Variants in PTPN13 observed in about 807,000 individuals in gnomAD.
PTPN13 encodes tyrosine-protein phosphatase non-receptor type 13.
PTPN13 carries 191 observed loss-of-function variants against 284.0 expected under a neutral mutation model. The ratio of observed to expected loss-of-function variants is 0.67; its 90% CI spans 0.60 to 0.76. PTPN13 has a LOEUF of 0.76. Ranked by LOEUF, PTPN13 falls within the 30% of genes least tolerant of loss-of-function variation. The pLI is 0.00. For missense variants in PTPN13, 2,797 were observed against 2,939.9 expected, an observed-to-expected ratio of 0.95 and a Z score of 1.12; for synonymous variants, 986 against 1,022.3, an observed-to-expected ratio of 0.96 and a Z score of 0.68.
intron 45 of PTPN13, among the ~76,000 whole-genome samples, chr4:86,808,232 T>C (rs945986925): frequency 1.3e-5 from 2 of 152,236 alleles, no homozygotes; most frequent in East Asian, 1.9e-4. Flanking sequence ...GTCAGACCTC[T>C]AAGTAGACTC....
chr4:86,812,309 C>CAAA (rs555017151), intron 47 of PTPN13, among the ~76,000 whole-genome samples: 26 of 58,634 alleles, frequency 4.4e-4, no homozygotes, highest in East Asian at 2.1e-3. Context: ...GACTCCGTCT[C>CAAA]AAAAAAAAAA....
chr4:86,765,247 ATTAG>A, intron 25 of PTPN13, 144 bp from the exon 26 acceptor site: 1 of 586,624 alleles, frequency 1.7e-6, no homozygotes. Flanking sequence ...AATATCCCTC[ATTAG>A]TATACTAATG....
intron 6 of PTPN13, among the ~76,000 whole-genome samples, chr4:86,696,949 G>C (rs1042288129): frequency 6.6e-6 from 1 of 151,902 alleles, no homozygotes; most frequent in African/African-American, 2.4e-5. Flanking sequence ...TTGCACAAGT[G>C]CTCTTTTCAT....
At chr4:86,644,926 C>CT (rs1464475760) in intron 2 of PTPN13, among the ~76,000 whole-genome samples, 1 of 152,036 alleles carries the variant, frequency 6.6e-6, no homozygotes, top group Non-Finnish European at 1.5e-5. Context: ...CTCAACTCAA[C>CT]GCCGGGCTTG....
At chr4:86,805,128 C>T (rs1744512855) in intron 43 of PTPN13, 151 bp from the exon 44 acceptor site, 1 of 470,004 alleles carries the variant, frequency 2.1e-6, no homozygotes, top group Non-Finnish European at 3.8e-6. Flanking sequence ...TAACAAATCA[C>T]TACTGACTTT....
chr4:86,715,869 G>C (rs777502588), intron 7 of PTPN13, among the ~76,000 whole-genome samples: 1 of 152,156 alleles, frequency 6.6e-6, no homozygotes, highest in African/African-American at 2.4e-5. Flanking sequence ...AGAGGGGATG[G>C]TTCAGAAATA....
At chr4:86,642,700 C>T (rs971751869) in intron 2 of PTPN13, among the ~76,000 whole-genome samples, 1 of 151,980 alleles carries the variant, frequency 6.6e-6, no homozygotes, top group Non-Finnish European at 1.5e-5. Context: ...GGTGATCCAC[C>T]CACCTCGGCC....
At chr4:86,742,968 A>T (rs991642187) in intron 16 of PTPN13, among the ~76,000 whole-genome samples, 2 of 152,328 alleles carry the variant, frequency 1.3e-5, no homozygotes, top group South Asian at 2.1e-4. Context: ...AATAGTTTGC[A>T]TTCCCATGGA....
chr4:86,619,933 T>C (rs561083763), intron 1 of PTPN13, among the ~76,000 whole-genome samples: 1 of 152,194 alleles, frequency 6.6e-6, no homozygotes, highest in South Asian at 2.1e-4. Flanking sequence ...TGGCTCATAT[T>C]CAATAACATT....
intron 2 of PTPN13, among the ~76,000 whole-genome samples, chr4:86,669,007 G>A (rs183806269): frequency 1.0e-3 from 156 of 151,402 alleles, no homozygotes; most frequent in African/African-American, 3.6e-3. Flanking sequence ...GCTGTTCCTT[G>A]TACAAACTTA....
At position 86,701,268 on chromosome 4, in the gene PTPN13, A is replaced by T. The variant is rs755643534; in HGVS notation, c.662A>T (p.Asp221Val). The T allele has an allele frequency of 6.3e-7, 1 of 1,594,212 alleles. No individual in the cohort carries two copies. The highest frequency in any genetic ancestry group is 8.5e-7 in the Non-Finnish European group (1 of 1,171,898). The change falls in exon 7 of 48, where the codon GAC becomes GTC. Residue 221 changes from aspartate to valine, a missense_variant. Asp to Val is a radical substitution (Grantham distance 152). Transcript: ENST00000411767. ...AGAAGCTCTACTTCTGATGTACTAG[A>T]CATACAAAAGCCTCCACTCTCTCAT... Reference protein sequence around the residue: ...TGRSSTSDVLDIQKPPLSHQT... With the variant: ...TGRSSTSDVLVIQKPPLSHQT...
chr4:86,722,236 A>G lies in PTPN13; in HGVS notation c.1410A>G (p.Glu470=). The stretch of plus-strand genomic sequence containing the variant: ...GCAGACAATATGAAACACCCTTTGA[A>G]GGCAACTTAATTAATCAAGAGATCA... ...RPSRQYETPF[E]GNLINQEIML... The change falls in exon 10 of 48, where the codon GAA becomes GAG. Residue 470 remains glutamate (E), a synonymous_variant. Transcript: ENST00000411767. The G allele has an allele frequency of 6.2e-7, 1 of 1,613,634 alleles. No homozygotes were observed. Among genetic ancestry groups the G allele is most frequent in the Non-Finnish European group, 8.5e-7 (1 of 1,179,626 alleles).
intron 47 of PTPN13, among the ~76,000 whole-genome samples, chr4:86,811,800 T>C (rs1578738553): frequency 6.6e-6 from 1 of 152,210 alleles, no homozygotes; most frequent in Non-Finnish European, 1.5e-5. Flanking sequence ...TCTTGAAAAA[T>C]AGGGAAATTT....
At chr4:86,665,432 C>A (rs911714451) in intron 2 of PTPN13, among the ~76,000 whole-genome samples, 1 of 152,076 alleles carries the variant, frequency 6.6e-6, no homozygotes, top group Admixed American at 6.6e-5. Context: ...AAATAAATGT[C>A]TTCATTTAAT....
chr4:86,762,907 G>A lies in PTPN13; in HGVS notation c.3734G>A (p.Ser1245Asn), dbSNP rs1188230343. ...GGGGGCCTGCGGGAAGGAAGCCTGA[G>A]TTCTCAAGATTCCAGGACTGAGAGT... ...PSGGLREGSL[S>N]SQDSRTESAS... The change falls in exon 24 of 48, where the codon AGT becomes AAT. Residue 1245 changes from serine (S) to asparagine (N), a missense_variant. Transcript: ENST00000411767. 6.2e-7 allele frequency: 1 copy of A among 1,613,904 alleles called. No individual in the cohort carries two copies.
intron 2 of PTPN13, among the ~76,000 whole-genome samples, chr4:86,656,075 C>T (rs1725767959): frequency 6.6e-6 from 1 of 152,162 alleles, no homozygotes; most frequent in African/African-American, 2.4e-5. Flanking sequence ...GTTCTTGTGC[C>T]ATGGTTTTCA....
At position 86,775,695 on chromosome 4, in the gene PTPN13, G is replaced by C. The variant is rs1342034769; in HGVS notation, c.5891+43G>C. The C allele has an allele frequency of 2.8e-6, 4 of 1,409,312 alleles. No individual in the cohort carries two copies. The Admixed American group carries it at 5.7e-5, about 20-fold the overall frequency. The allele number at this position is 1,409,312 out of a possible 1,614,324, so 87.3% of individuals were successfully genotyped here. A position where few individuals can be genotyped will look rare whatever the true frequency, so the allele number is the denominator to read the frequency against. On this transcript the variant is annotated intron_variant, in intron 35 of 47. Transcript: ENST00000411767. ...ATGAGTTTTGATTGTGCGTGTGTGTGCATTTCAGGTCATTGATTATACTTC... is the reference window on the plus strand; with the variant it reads ...ATGAGTTTTGATTGTGCGTGTGTGTCCATTTCAGGTCATTGATTATACTTC...
chr4:86,814,385 G>A, intron 47 of PTPN13, 71 bp from the exon 48 acceptor site: 2 of 1,001,202 alleles, frequency 2.0e-6, no homozygotes, highest in Non-Finnish European at 2.9e-6. Flanking sequence ...TTCCAATAGT[G>A]GTATAGCTAT....
Position 86,769,937 on chromosome 4 carries a change from T to C in PTPN13, c.4658T>C (p.Val1553Ala). 6.2e-7 allele frequency: 1 copy of C among 1,613,958 alleles called. No individual in the cohort carries two copies. The highest frequency in any genetic ancestry group is 8.5e-7 in the Non-Finnish European group (1 of 1,179,868). The stretch of plus-strand genomic sequence containing the variant: ...AGTGGAAAAATTGATGTAGGAGATG[T>C]TATCTTGAAAGTGAATGGAGCCTCT... ...AESGKIDVGD[V>A]ILKVNGASLK... The change falls in exon 29 of 48, where the codon GTT (valine) becomes GCT (alanine). Residue 1553 changes from valine (V) to alanine (A), a missense_variant. Transcript: ENST00000411767.
Sources: gnomAD v4.1 joint callset for allele counts (sites outside exome capture counted in the v4.1 genomes callset) on GRCh38, gnomAD v4.1.1 for gene constraint, MANE v1.5 for transcripts, NCBI Gene and HGNC (gene_info 2026-07-23, HGNC 2026-07-21) for gene names.